Variants in EFEMP1 observed in about 807,000 individuals in gnomAD.
EFEMP1 encodes EGF-containing fibulin-like extracellular matrix protein 1.
In EFEMP1, 18 loss-of-function variants were observed where a neutral mutation model predicts 65.7. That is an observed-to-expected ratio of 0.27 (90% confidence interval 0.19 to 0.41). The LOEUF (loss-of-function observed/expected upper bound fraction) is 0.41. Ranked by LOEUF, EFEMP1 falls within the 10% of genes least tolerant of loss-of-function variation. The probability of loss-of-function intolerance (pLI) is 1.00; values close to 1 mark genes in which losing one functional copy is unlikely to be tolerated. For synonymous variants in EFEMP1, 237 were observed against 219.7 expected (o/e 1.08, Z -0.70); for missense variants, 469 against 624.8 (o/e 0.75, Z 2.66).
intron 5 of EFEMP1, among the ~76,000 whole-genome samples, chr2:55,913,618 T>C (rs1462903665): frequency 6.6e-6 from 1 of 150,974 alleles, no homozygotes; most frequent in Non-Finnish European, 1.5e-5. Context: ...TTTTTTTTAA[T>C]ACAGGAATGG....
intron 5 of EFEMP1, 97 bp from the exon 6 acceptor site, chr2:55,881,831 C>A: frequency 1.4e-6 from 2 of 1,426,142 alleles, no homozygotes; most frequent in South Asian, 2.3e-5. Context: ...TTACTTTATT[C>A]TTAAAAGTTT....
intron 5 of EFEMP1, among the ~76,000 whole-genome samples, chr2:55,890,278 A>G (rs1669584250): frequency 6.6e-6 from 1 of 152,096 alleles, no homozygotes; most frequent in African/African-American, 2.4e-5. Flanking sequence ...AGGAATATGT[A>G]GAAATTCTAA....
chr2:55,893,046 G>T (rs1293209818), intron 5 of EFEMP1, among the ~76,000 whole-genome samples: 2 of 152,088 alleles, frequency 1.3e-5, no homozygotes, highest in African/African-American at 4.8e-5. Flanking sequence ...ACTTTTAAGT[G>T]AAAACCTTTG....
Position 55,867,173 on chromosome 2 carries a change from T to C in EFEMP1, c.1382A>G (p.His461Arg). ...LVKSLSGPRE[H>R]IVDLEMLTVS... ...TGTCAGCATCTCCAGGTCCACGATA[T>C]GTTCTCTTGGTCCTGATAATGACTT... Residue 461 changes from histidine to arginine, a missense_variant, in exon 12 of 12, where the codon CAT becomes CGT. By Grantham distance (29) the His-to-Arg change is conservative (BLOSUM62 0). Coordinates refer to ENST00000355426, the MANE Select transcript of EFEMP1 (RefSeq NM_001039348.3). This position sits in a 1 kb window ranked among gnomAD's most constrained non-coding sequence, Gnocchi z 4.3. The C allele has an allele frequency of 1.2e-6, 2 of 1,614,050 alleles. No individual in the cohort carries two copies. Among genetic ancestry groups the C allele is most frequent in the Middle Eastern group, 1.7e-4 (1 of 6,034 alleles).
intron 11 of EFEMP1, among the ~76,000 whole-genome samples, chr2:55,868,992 A>G (rs1373485129): frequency 6.6e-6 from 1 of 152,134 alleles, no homozygotes; most frequent in Non-Finnish European, 1.5e-5. Context: ...TATTTTTATT[A>G]TTTTAAATAA....
At position 55,917,678 on chromosome 2, in the gene EFEMP1, G is replaced by A; in HGVS notation, c.504C>T (p.His168=). 6.2e-7 allele frequency: 1 copy of A among 1,614,208 alleles called. No homozygotes were observed. Among genetic ancestry groups the A allele is most frequent in the Non-Finnish European group, 8.5e-7 (1 of 1,180,018 alleles). Residue 168 remains histidine (H), a synonymous_variant, in exon 5 of 12, where the codon CAC becomes CAT. Coordinates refer to ENST00000355426, the MANE Select transcript of EFEMP1 (RefSeq NM_001039348.3). The surrounding 1 kb of genome is among the most constrained non-coding windows in gnomAD (Gnocchi z 6.3). The stretch of plus-strand genomic sequence containing the variant: ...AGTTATTCCTACCTTGGCACACGTT[G>A]TGTTCACTTTGCTCGTAGCCTGCTG... ...QCAAGYEQSE[H]NVCQDIDECT... is the part of the protein sequence containing the mutation.
chr2:55,916,699 A>T (rs1051755400), intron 5 of EFEMP1, among the ~76,000 whole-genome samples: 45 of 152,188 alleles, frequency 3.0e-4, no homozygotes, highest in Admixed American at 2.6e-4. Flanking sequence ...GGATCTACCT[A>T]ATCAGCCTCT....
rs946932589 is a variant in EFEMP1 at position 55,886,501 on chromosome 2, A to G, written c.518-4767T>C. Among the ~76,000 whole-genome samples, 2 of 152,222 alleles carry G rather than the reference A, an allele frequency of 1.3e-5. No individual in the cohort carries two copies. Among genetic ancestry groups the G allele is most frequent in the African/African-American group, 4.8e-5 (2 of 41,456 alleles). ...GTGGATTTAAAACCTTATTATACCT[A>G]GCTTCCTCAATCAAACTGATTTAAT... On this transcript the variant is annotated intron_variant, in intron 5 of 11. Transcript: ENST00000355426. This position sits in a 1 kb window ranked among gnomAD's most constrained non-coding sequence, Gnocchi z 4.0.
Position 55,873,426 on chromosome 2 carries a change from G to C in EFEMP1, c.1000+1520C>G, listed in dbSNP as rs3791678. On this transcript the variant is annotated intron_variant, in intron 9 of 11. Coordinates refer to ENST00000355426, the MANE Select transcript of EFEMP1 (RefSeq NM_001039348.3). The surrounding 1 kb of genome is among the most constrained non-coding windows in gnomAD (Gnocchi z 4.6). ...GATATAAATGTTTCCACATAGATAG[G>C]CTAGGCAGGTCGGATCCCACCGTGC... is the stretch of plus-strand genomic sequence containing the variant. 0.017 allele frequency among the ~76,000 whole-genome samples: 2,598 copies of C among 152,050 alleles called. 81 individuals carry two copies. The highest frequency in any genetic ancestry group is 0.14 in the South Asian group (667 of 4,822).
chr2:55,913,312 GT>G (rs1670551538), intron 5 of EFEMP1, among the ~76,000 whole-genome samples: 3 of 152,194 alleles, frequency 2.0e-5, no homozygotes, highest in African/African-American at 7.2e-5. Context: ...CCTAGGGTAT[GT>G]TTTTTTCATA....
intron 5 of EFEMP1, among the ~76,000 whole-genome samples, chr2:55,899,563 T>C (rs1049598623): frequency 6.6e-6 from 1 of 152,230 alleles, no homozygotes; most frequent in Admixed American, 6.5e-5. Flanking sequence ...TCTACCTGGC[T>C]GCATTATTTA....
chr2:55,886,106 C>T lies in EFEMP1; in HGVS notation c.518-4372G>A, dbSNP rs928585030. 4.6e-5 allele frequency among the ~76,000 whole-genome samples: 7 copies of T among 152,104 alleles called. No homozygotes were observed. The highest frequency in any genetic ancestry group is 1.0e-4 in the Non-Finnish European group (7 of 68,008). ...AATTTAGAACTACTTTTGAATAAGC[C>T]ACTGTAGACTAGTGATGAGAATGCA... On this transcript the variant is annotated intron_variant, in intron 5 of 11. Transcript: ENST00000355426. This position sits in a 1 kb window ranked among gnomAD's most constrained non-coding sequence, Gnocchi z 4.0.
chr2:55,900,315 C>CA (rs1669982531), intron 5 of EFEMP1, among the ~76,000 whole-genome samples: 1 of 147,266 alleles, frequency 6.8e-6, no homozygotes, highest in Admixed American at 6.8e-5. Context: ...CCCCCACGAT[C>CA]CCCCCCACCA....
At chr2:55,868,549 T>A (rs1668673977) in intron 11 of EFEMP1, among the ~76,000 whole-genome samples, 2 of 152,158 alleles carry the variant, frequency 1.3e-5, no homozygotes, top group African/African-American at 4.8e-5. Context: ...TTCTCAGTAT[T>A]TTCTCAAAAG....
chr2:55,872,276 G>C (rs908116743), intron 9 of EFEMP1, among the ~76,000 whole-genome samples: 1 of 152,056 alleles, frequency 6.6e-6, no homozygotes, highest in Non-Finnish European at 1.5e-5. Context: ...GCATGGGCTA[G>C]GTGCTGGGAT....
At chr2:55,912,096 C>T (rs1438635326) in intron 5 of EFEMP1, among the ~76,000 whole-genome samples, 2 of 152,024 alleles carry the variant, frequency 1.3e-5, no homozygotes, top group African/African-American at 4.8e-5. Flanking sequence ...CAACTAAAAA[C>T]AATGAAGAAC....
chr2:55,889,630 G>A (rs1669557370), intron 5 of EFEMP1, among the ~76,000 whole-genome samples: 1 of 152,168 alleles, frequency 6.6e-6, no homozygotes, highest in Non-Finnish European at 1.5e-5. Flanking sequence ...AGTATTTTGG[G>A]ATTTATAAAA....
chr2:55,879,122 A>T (rs893871889), intron 6 of EFEMP1, among the ~76,000 whole-genome samples: 5 of 152,024 alleles, frequency 3.3e-5, no homozygotes, highest in African/African-American at 1.2e-4. Context: ...AGTACTCGAC[A>T]TTGTGTTATG....
chr2:55,895,481 C>T (rs944759103), intron 5 of EFEMP1, among the ~76,000 whole-genome samples: 27 of 152,168 alleles, frequency 1.8e-4, no homozygotes, highest in African/African-American at 6.5e-4. Flanking sequence ...CAGCTCAACT[C>T]CAGGTCACCA....
Sources: gnomAD v4.1 joint callset for allele counts (sites outside exome capture counted in the v4.1 genomes callset) on GRCh38, gnomAD v4.1.1 for gene constraint, Gnocchi (gnomAD v3.1) non-coding constraint, MANE v1.5 for transcripts, NCBI Gene and HGNC (gene_info 2026-07-23, HGNC 2026-07-21) for gene names.